The following WDR70 variants were observed in gnomAD, a reference collection of about 807,000 sequenced individuals.
The protein encoded by WDR70 is WD repeat domain 70, also known as WD repeat-containing protein 70.
In WDR70, 53 loss-of-function variants were observed where a neutral mutation model predicts 88.6. The observed-to-expected ratio is 0.60, with a 90% CI of 0.48 to 0.75. The LOEUF is 0.75. WDR70 is among the 30% of genes least tolerant of loss of function. The pLI, the probability that WDR70 is intolerant of heterozygous loss-of-function variation, is 0.00. For missense variants in WDR70, 610 were observed against 823.2 expected (o/e 0.74, Z 3.17); for synonymous variants, 280 against 270.0 (o/e 1.04, Z -0.36).
At chr5:37,669,145 G>T (rs867589691) in intron 10 of WDR70, among the ~76,000 whole-genome samples, 1 of 152,070 alleles carries the variant, frequency 6.6e-6, no homozygotes, top group African/African-American at 2.4e-5. Flanking sequence ...AGAAAATTCT[G>T]TATTTTCTTT....
chr5:37,435,089 T>C (rs1240528382), intron 5 of WDR70, among the ~76,000 whole-genome samples: 1 of 152,232 alleles, frequency 6.6e-6, no homozygotes, highest in African/African-American at 2.4e-5. Context: ...ATTTTAAATG[T>C]AAACATTTAT....
intron 9 of WDR70, among the ~76,000 whole-genome samples, chr5:37,526,542 A>G (rs1483524319): frequency 6.6e-6 from 1 of 152,230 alleles, no homozygotes; most frequent in Non-Finnish European, 1.5e-5. Flanking sequence ...AATGGGCAAA[A>G]ACTGAAAGCA....
chr5:37,387,924 A>T (rs1180563626), intron 3 of WDR70, among the ~76,000 whole-genome samples: 1 of 152,080 alleles, frequency 6.6e-6, no homozygotes, highest in Non-Finnish European at 1.5e-5. Context: ...TGACCCTTTT[A>T]ATAGCAAGTT....
rs188574482 is a variant in WDR70 at position 37,577,068 on chromosome 5, A to G, written c.918-27996A>G. Among the ~76,000 whole-genome samples, 357 of 152,290 alleles carry G rather than the reference A, an allele frequency of 2.3e-3. 2 individuals carry two copies. Among genetic ancestry groups the G allele is most frequent in the African/African-American group, 8.2e-3 (342 of 41,578 alleles). On this transcript the variant is annotated intron_variant, in intron 9 of 17. Transcript: ENST00000265107. ...CATCTGATCAGATATTCATTCAGTC[A>G]TGAGTTATTGGCACTTACTCTGTGT...
chr5:37,479,748 A>ATT, intron 7 of WDR70, 86 bp from the exon 8 acceptor site: 7 of 1,380,512 alleles, frequency 5.1e-6, no homozygotes, highest in East Asian at 2.4e-5. Context: ...TTTGTGTAAC[A>ATT]TTTTTTTTTC....
At chr5:37,576,239 A>G (rs548132287) in intron 9 of WDR70, among the ~76,000 whole-genome samples, 6 of 149,314 alleles carry the variant, frequency 4.0e-5, no homozygotes, top group Non-Finnish European at 7.4e-5. Context: ...CACTGACCTT[A>G]TCTCATGTTA....
chr5:37,561,576 G>C lies in WDR70; in HGVS notation c.918-43488G>C, dbSNP rs527339088. Reference sequence around the variant, plus strand: ...AATCAGGAAGAATTCATTTGTGGCAGCTGCTTTGTTGGCATGGTGCTAAAG... The same window carrying C: ...AATCAGGAAGAATTCATTTGTGGCACCTGCTTTGTTGGCATGGTGCTAAAG... On this transcript the variant is annotated intron_variant, in intron 9 of 17. Transcript: ENST00000265107. Among the ~76,000 whole-genome samples the C allele has an allele frequency of 2.6e-5, 4 of 152,362 alleles. No homozygotes were observed. The South Asian group carries it at 8.3e-4, about 32-fold the overall frequency.
chr5:37,563,899 G>A (rs1226282617), intron 9 of WDR70, among the ~76,000 whole-genome samples: 2 of 134,696 alleles, frequency 1.5e-5, no homozygotes, highest in South Asian at 2.8e-4. Flanking sequence ...CGGGGCGGCC[G>A]GGCAGAGACG....
chr5:37,397,153 C>T lies in WDR70; in HGVS notation c.492+583C>T, dbSNP rs933581301. Among the ~76,000 whole-genome samples, 50 of 141,822 alleles carry T rather than the reference C, an allele frequency of 3.5e-4. 2 individuals are homozygous for T. Among genetic ancestry groups the T allele is most frequent in the Non-Finnish European group, 4.5e-4 (29 of 64,644 alleles). 93.0% of individuals were successfully genotyped at this position (141,822 alleles called of 152,430 possible). On this transcript the variant is annotated intron_variant, in intron 5 of 17. Transcript: ENST00000265107. The stretch of plus-strand genomic sequence containing the variant: ...CCCTGTCTCAAACCGCCCCCCCCAA[C>T]CCCCCCGCAAAAAACCTGAGGAAAA...
chr5:37,537,177 G>A (rs773592219), intron 9 of WDR70, among the ~76,000 whole-genome samples: 5 of 152,138 alleles, frequency 3.3e-5, no homozygotes, highest in Admixed American at 3.3e-4. Flanking sequence ...AGAAATTTTA[G>A]CAGTAAGCGG....
intron 9 of WDR70, among the ~76,000 whole-genome samples, chr5:37,602,136 T>C (rs897177203): frequency 6.6e-6 from 1 of 151,856 alleles, no homozygotes; most frequent in African/African-American, 2.4e-5. Context: ...GGATGATGGG[T>C]GCAGCAAACC....
intron 8 of WDR70, among the ~76,000 whole-genome samples, chr5:37,485,018 G>A (rs1416845349): frequency 2.6e-5 from 4 of 152,180 alleles, no homozygotes; most frequent in Non-Finnish European, 4.4e-5. Flanking sequence ...GCATTGTCTT[G>A]GGGAAAGGTT....
intron 10 of WDR70, among the ~76,000 whole-genome samples, chr5:37,626,956 A>G (rs888293013): frequency 1.3e-5 from 2 of 152,024 alleles, no homozygotes; most frequent in African/African-American, 4.8e-5. Context: ...TATGGTGTCC[A>G]TTGTGACATA....
intron 9 of WDR70, among the ~76,000 whole-genome samples, chr5:37,555,934 G>T (rs1708470811): frequency 6.6e-6 from 1 of 152,084 alleles, no homozygotes; most frequent in South Asian, 2.1e-4. Flanking sequence ...GGCCAGGCTG[G>T]TCTCCAACTC....
chr5:37,530,537 T>C (rs768241824), intron 9 of WDR70, among the ~76,000 whole-genome samples: 1 of 152,048 alleles, frequency 6.6e-6, no homozygotes, highest in Non-Finnish European at 1.5e-5. Context: ...CTGGGAGGGT[T>C]ATATATTTGG....
chr5:37,460,727 AAC>A (rs1027197890), intron 7 of WDR70, among the ~76,000 whole-genome samples: 9 of 150,416 alleles, frequency 6.0e-5, no homozygotes, highest in Non-Finnish European at 1.3e-4. Context: ...AAAAAATAAA[AAC>A]AAAAAGAAAA....
intron 17 of WDR70, among the ~76,000 whole-genome samples, chr5:37,752,093 A>G (rs1022486706): frequency 1.3e-5 from 2 of 152,212 alleles, no homozygotes; most frequent in Admixed American, 1.3e-4. Flanking sequence ...AGCTTAATAA[A>G]TGGTCTTAAT....
At chr5:37,518,844 G>A (rs184565255) in intron 9 of WDR70, among the ~76,000 whole-genome samples, 119 of 152,090 alleles carry the variant, frequency 7.8e-4, no homozygotes, top group African/African-American at 2.6e-3. Flanking sequence ...GCCTTCCCAC[G>A]GTGTTTGTGT....
At chr5:37,739,589 C>T (rs1179267712) in intron 17 of WDR70, among the ~76,000 whole-genome samples, 1 of 152,032 alleles carries the variant, frequency 6.6e-6, no homozygotes, top group Non-Finnish European at 1.5e-5. Flanking sequence ...TTTTTAGTGT[C>T]TATTTGATTT....
Sources: allele counts gnomAD v4.1 joint callset (sites outside exome capture counted in the v4.1 genomes callset), GRCh38; gene constraint gnomAD v4.1.1; transcripts MANE v1.5; gene names NCBI Gene and HGNC (gene_info 2026-07-23, HGNC 2026-07-21).